Variants in BMPER observed in about 807,000 individuals in gnomAD.
The protein encoded by BMPER is BMP binding endothelial regulator.
A neutral mutation model predicts 87.3 loss-of-function variants in BMPER; 45 were observed. The observed-to-expected ratio is 0.52, with a 90% CI of 0.41 to 0.66. BMPER has a LOEUF of 0.66. Ranked by LOEUF, BMPER falls within the 30% of genes least tolerant of loss-of-function variation. BMPER has a pLI of 0.00. For missense variants in BMPER, 784 were observed against 867.5 expected, an observed-to-expected ratio of 0.90 and a Z score of 1.21; for synonymous variants, 326 against 316.2, an observed-to-expected ratio of 1.03 and a Z score of -0.33.
At chr7:34,045,393 G>T (rs1460339454) in intron 6 of BMPER, among the ~76,000 whole-genome samples, 1 of 152,154 alleles carries the variant, frequency 6.6e-6, no homozygotes, top group Admixed American at 6.5e-5. Flanking sequence ...AGGCACCTCT[G>T]GTGAGGGATA....
rs781214057 is a variant in BMPER, at chr7:34,079,101, C to T, written c.1323C>T (p.Asn441=). Residue 441 remains asparagine (N), a synonymous_variant, in exon 12 of 15, where the codon AAC becomes AAT. Coordinates refer to ENST00000649409, the MANE Select transcript of BMPER (RefSeq NM_001365308.1). ...AGCAGCACCTCACCGTGCGCTGGAA[C>T]GGCTCGCGCATCGCGCTCCCCTGCC... is the stretch of plus-strand genomic sequence containing the variant. The part of the protein sequence containing the change: ...SLQQHLTVRW[N]GSRIALPCRA... The T allele has an allele frequency of 6.2e-6, 10 of 1,613,732 alleles. No homozygotes were observed. Among genetic ancestry groups the T allele is most frequent in the Middle Eastern group, 1.7e-4 (1 of 6,060 alleles).
intron 13 of BMPER, among the ~76,000 whole-genome samples, chr7:34,142,738 C>G (rs1412660629): frequency 6.6e-6 from 1 of 152,176 alleles, no homozygotes; most frequent in Non-Finnish European, 1.5e-5. Context: ...GTGTTTTCAT[C>G]AAGTTGGTTA....
At position 34,155,322 on chromosome 7, in the gene BMPER, G is replaced by A. The variant is rs976992617; in HGVS notation, c.*2049G>A. On this transcript the variant is annotated 3_prime_UTR_variant, in exon 15 of 15. Coordinates refer to ENST00000649409, the MANE Select transcript of BMPER (RefSeq NM_001365308.1). The stretch of plus-strand genomic sequence containing the variant: ...CATCTTTGAAAGAGGGCAGCATAAG[G>A]GAAATGATGGAGAAGGGAGAATTGT... The A allele has an allele frequency of 6.6e-6, 1 of 152,186 alleles. No homozygotes were observed. The highest frequency in any genetic ancestry group is 2.4e-5 in the African/African-American group (1 of 41,450). 9.4% of individuals were successfully genotyped at this position (152,186 alleles called of 1,614,324 possible).
intron 2 of BMPER, among the ~76,000 whole-genome samples, chr7:33,935,971 G>T (rs1031483462): frequency 6.6e-6 from 1 of 152,068 alleles, no homozygotes; most frequent in Non-Finnish European, 1.5e-5. Flanking sequence ...ACAGCTGTGG[G>T]CAAGGCAAGG....
intron 13 of BMPER, among the ~76,000 whole-genome samples, chr7:34,095,887 A>G (rs1789516520): frequency 6.6e-6 from 1 of 152,118 alleles, no homozygotes. Flanking sequence ...AGAGTAAGTG[A>G]CAGTGGCCAT....
intron 13 of BMPER, among the ~76,000 whole-genome samples, chr7:34,090,138 T>C (rs1789340187): frequency 6.6e-6 from 1 of 152,228 alleles, no homozygotes. Flanking sequence ...TGATAACACA[T>C]CTCAAGTCTT....
intron 2 of BMPER, among the ~76,000 whole-genome samples, chr7:33,910,347 G>A (rs7801918): frequency 0.25 from 38,717 of 152,156 alleles, 5,113 homozygotes; most frequent in Admixed American, 0.29. Context: ...CTGGAGTACA[G>A]CTGAGAAGAG....
At chr7:33,960,550 C>T (rs1785242418) in intron 3 of BMPER, among the ~76,000 whole-genome samples, 1 of 152,174 alleles carries the variant, frequency 6.6e-6, no homozygotes, top group Non-Finnish European at 1.5e-5. Context: ...GAAATGACTT[C>T]AAAGACTCCC....
intron 2 of BMPER, among the ~76,000 whole-genome samples, chr7:33,926,646 T>G (rs1038692825): frequency 8.5e-5 from 13 of 152,198 alleles, no homozygotes; most frequent in Non-Finnish European, 2.9e-5. Context: ...GCTTCTCCAG[T>G]TTTTTTCTGA....
chr7:33,980,368 C>A lies in BMPER; in HGVS notation c.576+5584C>A, dbSNP rs1048201011. ...TTCATGTTTAAATGGAAAGAGGATT[C>A]TTTCCTACCACTGAAGCAAAGAATA... On this transcript the variant is annotated intron_variant, in intron 6 of 14. Coordinates refer to ENST00000649409, the MANE Select transcript of BMPER (RefSeq NM_001365308.1). Among the ~76,000 whole-genome samples the A allele has an allele frequency of 7.2e-5, 11 of 152,308 alleles. No individual in the cohort carries two copies. In the East Asian group the frequency reaches 2.1e-3, roughly 29 times the overall value.
At chr7:34,121,210 A>G (rs115694697) in intron 13 of BMPER, among the ~76,000 whole-genome samples, 3,492 of 152,214 alleles carry the variant, frequency 0.023, 122 homozygotes, top group African/African-American at 0.078. Context: ...TCCTCTTCAA[A>G]ATCTAAAATA....
At chr7:34,057,396 C>T (rs1032575571) in intron 9 of BMPER, among the ~76,000 whole-genome samples, 1 of 152,102 alleles carries the variant, frequency 6.6e-6, no homozygotes, top group Non-Finnish European at 1.5e-5. Flanking sequence ...AGGATCTAGT[C>T]TAGGAAATGT....
chr7:34,139,142 T>A lies in BMPER; in HGVS notation c.1746-4088T>A, dbSNP rs1409809475. Among the ~76,000 whole-genome samples, 4 of 152,366 alleles carry A rather than the reference T, an allele frequency of 2.6e-5. No homozygotes were observed. In the East Asian group the frequency reaches 5.8e-4, roughly 22 times the overall value. On this transcript the variant is annotated intron_variant, in intron 13 of 14. Coordinates refer to ENST00000649409, the MANE Select transcript of BMPER (RefSeq NM_001365308.1). The stretch of plus-strand genomic sequence containing the variant: ...ATTTGAAGTGCATTTGAAGATGCTT[T>A]TATTTTTCTCTTAATAAATTCCTTT...
In BMPER at chr7:34,014,005, CT is replaced by C. The variant is rs562064311; in HGVS notation, c.577-32298del. Among the ~76,000 whole-genome samples, 615 of 152,066 alleles carry C rather than the reference CT, an allele frequency of 4.0e-3. 2 individuals are homozygous for C. Among genetic ancestry groups the C allele is most frequent in the African/African-American group, 0.014 (594 of 41,544 alleles). On this transcript the variant is annotated intron_variant, in intron 6 of 14. Transcript: ENST00000649409. ...TTAATAAATATAGTTTTGTGGGATTCTTTCATTGCCTCTTCTCTGATTACTT... is the reference window on the plus strand; with the variant it reads ...TTAATAAATATAGTTTTGTGGGATTCTTCATTGCCTCTTCTCTGATTACTT...
intron 12 of BMPER, 134 bp downstream of exon 12, chr7:34,079,320 C>T: frequency 1.7e-6 from 2 of 1,156,702 alleles, no homozygotes; most frequent in Non-Finnish European, 2.5e-6. Context: ...CAGGTTCCAA[C>T]TGCGGGACTT....
At chr7:33,945,045 C>T (rs1159809580) in intron 3 of BMPER, among the ~76,000 whole-genome samples, 1 of 150,834 alleles carries the variant, frequency 6.6e-6, no homozygotes, top group African/African-American at 2.4e-5. Context: ...GGGTTCACAC[C>T]ATTCTCCTGC....
At chr7:34,143,131 A>T (rs1790915416) in intron 13 of BMPER, 99 bp from the exon 14 acceptor site, 1 of 1,559,918 alleles carries the variant, frequency 6.4e-7, no homozygotes, top group Non-Finnish European at 8.7e-7. Context: ...TTAATGGGCC[A>T]ATCAGGTTTT....
intron 3 of BMPER, among the ~76,000 whole-genome samples, chr7:33,959,735 AATTT>A (rs1213758391): frequency 1.3e-5 from 2 of 152,202 alleles, no homozygotes; most frequent in African/African-American, 2.4e-5. Context: ...CTAGAATCCC[AATTT>A]ATTTGTGGTT....
Position 33,934,438 on chromosome 7 carries a change from T to C in BMPER, c.220-2851T>C, listed in dbSNP as rs543527821. ...CCAATGTGACCGTTGATAGAATATT[T>C]AAAAACTCCCAGTGTAATCAGGGGG... On this transcript the variant is annotated intron_variant, in intron 2 of 14. Coordinates refer to ENST00000649409, the MANE Select transcript of BMPER (RefSeq NM_001365308.1). Among the ~76,000 whole-genome samples, 6 of 146,282 alleles carry C rather than the reference T, an allele frequency of 4.1e-5. No homozygotes were observed. The East Asian group carries it at 1.2e-3, about 30-fold the overall frequency.
Sources: allele counts gnomAD v4.1 joint callset (sites outside exome capture counted in the v4.1 genomes callset), GRCh38; gene constraint gnomAD v4.1.1; transcripts MANE v1.5; gene names NCBI Gene and HGNC (gene_info 2026-07-23, HGNC 2026-07-21).